The following NOL4 variants were observed in gnomAD, a reference collection of about 807,000 sequenced individuals.
The protein encoded by NOL4 is nucleolar protein 4.
A neutral mutation model predicts 75.9 loss-of-function variants in NOL4; 17 were observed. The ratio of observed to expected loss-of-function variants is 0.22; its 90% CI spans 0.15 to 0.34. The LOEUF is 0.34. Ranked by LOEUF, NOL4 falls within the 10% of genes least tolerant of loss-of-function variation. The probability of loss-of-function intolerance (pLI) is 1.00; values close to 1 mark genes in which losing one functional copy is unlikely to be tolerated. For missense variants in NOL4, 614 were observed against 793.5 expected, an observed-to-expected ratio of 0.77 and a Z score of 2.72; for synonymous variants, 292 against 289.9, an observed-to-expected ratio of 1.01 and a Z score of -0.07.
chr18:33,862,102 CA>C (rs1361912268), intron 10 of NOL4, among the ~76,000 whole-genome samples: 78 of 152,222 alleles, frequency 5.1e-4, no homozygotes, highest in African/African-American at 1.9e-3. Flanking sequence ...ACAGAGCCCT[CA>C]GAAATAAAGC....
Position 34,098,992 on chromosome 18 carries a change from A to G in NOL4, c.639+5055T>C, listed in dbSNP as rs531786835. Among the ~76,000 whole-genome samples, 3 of 152,252 alleles carry G rather than the reference A, an allele frequency of 2.0e-5. No homozygotes were observed. In the East Asian group the frequency reaches 5.8e-4, roughly 29 times the overall value. On this transcript the variant is annotated intron_variant, in intron 4 of 10. Coordinates refer to ENST00000261592, the MANE Select transcript of NOL4 (RefSeq NM_003787.5). ...TCAATTCTTTCTTTGATGTGTACAT[A>G]AAAAGAGTAATTTAATAGAATTTTG...
At chr18:34,095,956 G>A (rs952254135) in intron 4 of NOL4, among the ~76,000 whole-genome samples, 4 of 144,632 alleles carry the variant, frequency 2.8e-5, no homozygotes, top group Non-Finnish European at 4.6e-5. Context: ...AAATGTATAT[G>A]TATATGAGGA....
chr18:34,007,595 T>C (rs2074109140), intron 6 of NOL4, among the ~76,000 whole-genome samples: 1 of 152,044 alleles, frequency 6.6e-6, no homozygotes, highest in Non-Finnish European at 1.5e-5. Context: ...ATTAAGCAAA[T>C]ATCTTTGTTT....
At chr18:34,198,285 T>C (rs1046087979) in intron 1 of NOL4, among the ~76,000 whole-genome samples, 2 of 151,890 alleles carry the variant, frequency 1.3e-5, no homozygotes, top group African/African-American at 4.8e-5. Context: ...ACTTCTTAAA[T>C]TATACGGGAT....
chr18:34,024,984 T>C (rs1379046600), intron 5 of NOL4, among the ~76,000 whole-genome samples: 2 of 152,078 alleles, frequency 1.3e-5, no homozygotes, highest in Non-Finnish European at 2.9e-5. Flanking sequence ...ATCCAACAAC[T>C]ACCCAGTAGA....
chr18:34,003,541 G>C (rs1010497442), intron 6 of NOL4, among the ~76,000 whole-genome samples: 2 of 152,192 alleles, frequency 1.3e-5, no homozygotes. Context: ...ATTTCCTGCT[G>C]CTGGAAATCT....
At chr18:34,032,328 C>T (rs944286085) in intron 5 of NOL4, among the ~76,000 whole-genome samples, 2 of 152,114 alleles carry the variant, frequency 1.3e-5, no homozygotes, top group African/African-American at 2.4e-5. Context: ...CTGGGGATCA[C>T]CCCACCCCTG....
chr18:33,977,499 A>G (rs989549254), intron 6 of NOL4, among the ~76,000 whole-genome samples: 1 of 152,134 alleles, frequency 6.6e-6, no homozygotes, highest in African/African-American at 2.4e-5. Flanking sequence ...TTCGCCTTCC[A>G]CCATGATTGT....
chr18:34,105,036 AC>A lies in NOL4; in HGVS notation c.526+12del. On this transcript the variant is annotated intron_variant, in intron 3 of 10. Transcript: ENST00000261592. ...AAATTACTTTAAATCTCACTATTTG[AC>A]ACTGCAGCTACCTTTATGATCTGTT... is the stretch of plus-strand genomic sequence containing the variant. 3 of 1,495,730 alleles carry A rather than the reference AC, an allele frequency of 2.0e-6. No individual in the cohort carries two copies. Among genetic ancestry groups the A allele is most frequent in the Non-Finnish European group, 2.8e-6 (3 of 1,074,036 alleles). 92.7% of individuals were successfully genotyped at this position (1,495,730 alleles called of 1,614,324 possible).
chr18:34,205,573 T>G (rs1396207479), intron 1 of NOL4, among the ~76,000 whole-genome samples: 2 of 152,072 alleles, frequency 1.3e-5, no homozygotes, highest in African/African-American at 4.8e-5. Flanking sequence ...CATGAACTCT[T>G]GGGATGTCGC....
chr18:34,183,880 A>G (rs754025252), intron 1 of NOL4, among the ~76,000 whole-genome samples: 11 of 151,990 alleles, frequency 7.2e-5, no homozygotes, highest in Non-Finnish European at 1.6e-4. Flanking sequence ...TTGTGGTGGT[A>G]GATGTATAGC....
intron 5 of NOL4, among the ~76,000 whole-genome samples, chr18:34,090,105 A>C (rs919004648): frequency 3.9e-5 from 6 of 152,214 alleles, no homozygotes; most frequent in Non-Finnish European, 2.9e-5. Flanking sequence ...TAAACAGGAA[A>C]AAAAGAAATT....
At chr18:33,862,241 C>T (rs2063180736) in intron 10 of NOL4, among the ~76,000 whole-genome samples, 1 of 151,996 alleles carries the variant, frequency 6.6e-6, no homozygotes, top group African/African-American at 2.4e-5. Context: ...AACTGGATCC[C>T]TTCCTTACAC....
chr18:33,905,444 G>A (rs1205602848), intron 9 of NOL4, among the ~76,000 whole-genome samples: 2 of 152,216 alleles, frequency 1.3e-5, no homozygotes, highest in African/African-American at 4.8e-5. Context: ...GGAAAACAGT[G>A]GGCATATGAG....
chr18:34,115,603 T>C (rs773239528), intron 2 of NOL4, among the ~76,000 whole-genome samples: 1 of 151,808 alleles, frequency 6.6e-6, no homozygotes, highest in Non-Finnish European at 1.5e-5. Context: ...TGTCACACCC[T>C]ATGCAAATGA....
At chr18:34,161,976 T>A (rs949262262) in intron 1 of NOL4, among the ~76,000 whole-genome samples, 8 of 152,114 alleles carry the variant, frequency 5.3e-5, no homozygotes, top group Non-Finnish European at 1.0e-4. Context: ...AATTTAATTA[T>A]CCTCCTAACT....
At chr18:33,872,363 A>C (rs1392817382) in intron 10 of NOL4, among the ~76,000 whole-genome samples, 1 of 152,070 alleles carries the variant, frequency 6.6e-6, no homozygotes, top group East Asian at 1.9e-4. Context: ...GAACCTTAAC[A>C]TGACCGGATG....
chr18:33,885,810 C>T (rs575040121), intron 9 of NOL4, among the ~76,000 whole-genome samples: 8 of 152,196 alleles, frequency 5.3e-5, no homozygotes, highest in South Asian at 2.1e-4. Context: ...TCCAGCAATC[C>T]GACTGTGGGT....
intron 5 of NOL4, among the ~76,000 whole-genome samples, chr18:34,086,073 C>T (rs1232020780): frequency 1.3e-5 from 2 of 151,988 alleles, no homozygotes; most frequent in African/African-American, 4.8e-5. Context: ...AAAGCTTCAT[C>T]GAATTAACTA....
Sources: allele counts gnomAD v4.1 joint callset (sites outside exome capture counted in the v4.1 genomes callset), GRCh38; gene constraint gnomAD v4.1.1; transcripts MANE v1.5; gene names NCBI Gene and HGNC (gene_info 2026-07-23, HGNC 2026-07-21).